The following ZSWIM2 variants were observed in gnomAD, a reference collection of about 807,000 sequenced individuals.
ZSWIM2 encodes the protein E3 ubiquitin-protein ligase ZSWIM2.
ZSWIM2 carries 38 observed loss-of-function variants against 48.4 expected under a neutral mutation model. The observed-to-expected ratio is 0.79, with a 90% CI of 0.61 to 1.03. ZSWIM2 has a LOEUF of 1.03. Among genes scored for constraint, ZSWIM2 ranks in the 50% least tolerant of loss-of-function variants. The pLI is 0.00. For synonymous variants in ZSWIM2, 240 were observed against 251.3 expected (o/e 0.96, Z 0.42); for missense variants, 776 against 730.2 (o/e 1.06, Z -0.72).
In ZSWIM2 at chr2:186,847,726, T is replaced by C; in HGVS notation, c.235A>G (p.Ile79Val). The change falls in exon 2 of 9, where the codon ATC becomes GTC. Residue 79 changes from isoleucine to valine, a missense_variant. Ile to Val is a conservative substitution (Grantham distance 29). Coordinates refer to ENST00000295131, the MANE Select transcript of ZSWIM2 (RefSeq NM_182521.3). ...FPKGGELCKHICWVLLKKFKL... is the reference protein window; with the variant it reads ...FPKGGELCKHVCWVLLKKFKL... ...ATTTGAAAAGTCACTTACCAGCAGA[T>C]ATGCTTACAAAGTTCCCCTCCTTTC... The C allele has an allele frequency of 6.2e-7, 1 of 1,603,190 alleles. No individual in the cohort carries two copies. Among genetic ancestry groups the C allele is most frequent in the Non-Finnish European group, 8.5e-7 (1 of 1,174,062 alleles).
intron 7 of ZSWIM2, among the ~76,000 whole-genome samples, chr2:186,830,211 C>T (rs746566309): frequency 1.3e-5 from 2 of 152,034 alleles, no homozygotes; most frequent in Non-Finnish European, 2.9e-5. Flanking sequence ...AAAACCCCAT[C>T]TCTAATAAAA....
In ZSWIM2 at chr2:186,834,024, G is replaced by C; in HGVS notation, c.750C>G (p.Thr250=). 1 of 1,608,112 alleles carries C rather than the reference G, an allele frequency of 6.2e-7. No homozygotes were observed. Among genetic ancestry groups the C allele is most frequent in the Non-Finnish European group, 8.5e-7 (1 of 1,175,864 alleles). Residue 250 remains threonine (T), a synonymous_variant, in exon 6 of 9, where the codon ACC becomes ACG. Coordinates refer to ENST00000295131, the MANE Select transcript of ZSWIM2 (RefSeq NM_182521.3). ...FPIEGKCYKC[T]ECIEYHLCQE... ...GGCATAAGTGATATTCTATGCATTC[G>C]GTACACCTAAAAATACAAAACATCA...
At chr2:186,838,765 A>T (rs1691846747) in intron 4 of ZSWIM2, among the ~76,000 whole-genome samples, 194 bp downstream of exon 4, 1 of 145,046 alleles carries the variant, frequency 6.9e-6, no homozygotes, top group Non-Finnish European at 1.5e-5. Flanking sequence ...ATTGTAATAT[A>T]TTATAATATA....
intron 1 of ZSWIM2, among the ~76,000 whole-genome samples, chr2:186,848,470 T>C: frequency 6.6e-6 from 1 of 152,214 alleles, no homozygotes; most frequent in East Asian, 1.9e-4. Flanking sequence ...TATTCATTAA[T>C]ATCTTTCCAA....
intron 3 of ZSWIM2, among the ~76,000 whole-genome samples, chr2:186,841,874 T>C (rs1282607768): frequency 6.6e-6 from 1 of 151,186 alleles, no homozygotes; most frequent in Non-Finnish European, 1.5e-5. Context: ...TTTAATGAGG[T>C]TTTAATTTTA....
intron 7 of ZSWIM2, among the ~76,000 whole-genome samples, chr2:186,831,513 T>C (rs1691699079): frequency 6.6e-6 from 1 of 152,006 alleles, no homozygotes; most frequent in Non-Finnish European, 1.5e-5. Context: ...GACCCAGCCA[T>C]CCCGTTACTG....
chr2:186,830,131 C>T (rs1191748776), intron 7 of ZSWIM2, among the ~76,000 whole-genome samples: 1 of 152,160 alleles, frequency 6.6e-6, no homozygotes, highest in African/African-American at 2.4e-5. Context: ...GTAATCCCAG[C>T]ACTTCTGGGA....
rs1574136521 is a variant in ZSWIM2, at chr2:186,829,984, C to A, written c.942-104G>T. ...TCTCTATATAAATAATGCAATCGAA[C>A]CCTAGGTTTTCTTGAACTAAAGATA... On this transcript the variant is annotated intron_variant, in intron 7 of 8. Transcript: ENST00000295131. 7 of 1,170,644 alleles carry A rather than the reference C, an allele frequency of 6.0e-6. No homozygotes were observed. The East Asian group carries it at 1.7e-4, about 29-fold the overall frequency. 72.5% of individuals were successfully genotyped at this position (1,170,644 alleles called of 1,614,324 possible). A position where few individuals can be genotyped will look rare whatever the true frequency, so the allele number is the denominator to read the frequency against.
intron 3 of ZSWIM2, among the ~76,000 whole-genome samples, chr2:186,843,145 T>C (rs887194595): frequency 1.3e-5 from 2 of 151,662 alleles, no homozygotes; most frequent in Non-Finnish European, 3.0e-5. Context: ...GAAAATTACA[T>C]ATGTATGTTA....
At position 186,828,234 on chromosome 2, in the gene ZSWIM2, T is replaced by C. The variant is rs1691632772; in HGVS notation, c.1652A>G (p.Asn551Ser). The C allele has an allele frequency of 1.2e-6, 2 of 1,613,602 alleles. No individual in the cohort carries two copies. Among genetic ancestry groups the C allele is most frequent in the Non-Finnish European group, 1.7e-6 (2 of 1,179,778 alleles). Reference protein sequence around the residue: ...LSRMTKGCKCNNHNLKKTPAT... With the variant: ...LSRMTKGCKCSNHNLKKTPAT... The stretch of plus-strand genomic sequence containing the variant: ...AGGAGTCTTCTTTAGGTTGTGGTTA[T>C]TACATTTACAGCCTTTGGTCATCCG... The change falls in exon 9 of 9, where the codon AAT becomes AGT. Residue 551 changes from asparagine to serine, a missense_variant. Asn to Ser is a conservative substitution (Grantham distance 46, BLOSUM62 1). Transcript: ENST00000295131.
intron 8 of ZSWIM2, 109 bp from the exon 9 acceptor site, chr2:186,828,899 A>G: frequency 1.5e-6 from 1 of 662,600 alleles, no homozygotes; most frequent in Non-Finnish European, 2.2e-6. Flanking sequence ...ATTTAGCAAA[A>G]TTGAAAAATA....
In ZSWIM2 at chr2:186,828,680, T is replaced by C. The variant is rs200160557; in HGVS notation, c.1206A>G (p.Gly402=). ...PLTWKNSAVN[G]QAHQSVSNRD... Reference sequence around the variant, plus strand: ...TGTTTGAAACAGACTGATGTGCTTGTCCATTCACTGCTGAATTTTTCCAAG... The same window carrying C: ...TGTTTGAAACAGACTGATGTGCTTGCCCATTCACTGCTGAATTTTTCCAAG... Residue 402 remains glycine, a synonymous_variant, in exon 9 of 9, where the codon GGA becomes GGG. Coordinates refer to ENST00000295131, the MANE Select transcript of ZSWIM2 (RefSeq NM_182521.3). 18 of 1,613,238 alleles carry C rather than the reference T, an allele frequency of 1.1e-5. No individual in the cohort carries two copies. The highest frequency in any genetic ancestry group is 4.5e-5 in the East Asian group (2 of 44,786).
At chr2:186,833,350 A>G (rs1422780382) in intron 6 of ZSWIM2, 118 bp from the exon 7 acceptor site, 5 of 498,952 alleles carry the variant, frequency 1.0e-5, no homozygotes, top group South Asian at 3.4e-5. Context: ...TTAAGCATAT[A>G]TATTATTTTT....
At chr2:186,834,235 C>T (rs1048952964) in intron 5 of ZSWIM2, among the ~76,000 whole-genome samples, 10 of 152,280 alleles carry the variant, frequency 6.6e-5, no homozygotes, top group African/African-American at 1.7e-4. Flanking sequence ...TATTATCTTA[C>T]AGTTCCATTG....
intron 6 of ZSWIM2, 143 bp downstream of exon 6, chr2:186,833,800 TCTC>T (rs1199123907): frequency 1.1e-5 from 6 of 528,128 alleles, no homozygotes; most frequent in Non-Finnish European, 1.9e-5. Context: ...GAAAAAGAGT[TCTC>T]CTAAAAATAT....
At chr2:186,835,049 C>A (rs888334353) in intron 5 of ZSWIM2, among the ~76,000 whole-genome samples, 1 of 152,156 alleles carries the variant, frequency 6.6e-6, no homozygotes, top group Non-Finnish European at 1.5e-5. Context: ...TACATTCTTA[C>A]AGGATGTACA....
intron 4 of ZSWIM2, 59 bp from the exon 5 acceptor site, chr2:186,837,613 T>TATAA: frequency 7.2e-6 from 1 of 138,122 alleles, no homozygotes; most frequent in Non-Finnish European, 1.0e-5. Flanking sequence ...ATATCCATTG[T>TATAA]ATATATATAT....
At chr2:186,839,799 A>G (rs1408228116) in intron 3 of ZSWIM2, among the ~76,000 whole-genome samples, 2 of 151,406 alleles carry the variant, frequency 1.3e-5, no homozygotes, top group Non-Finnish European at 3.0e-5. Flanking sequence ...TATTTTCTCT[A>G]TCCTGCAATC....
At chr2:186,836,884 A>G (rs1691803254) in intron 5 of ZSWIM2, among the ~76,000 whole-genome samples, 1 of 152,148 alleles carries the variant, frequency 6.6e-6, no homozygotes. Context: ...TATTCAGTCA[A>G]TCCAGTCAAT....
Sources: allele counts gnomAD v4.1 joint callset (sites outside exome capture counted in the v4.1 genomes callset), GRCh38; gene constraint gnomAD v4.1.1; transcripts MANE v1.5; gene names NCBI Gene and HGNC (gene_info 2026-07-23, HGNC 2026-07-21).